The following LRRC69 variants were observed in gnomAD, a reference collection of about 807,000 sequenced individuals.
LRRC69 encodes the protein leucine rich repeat containing 69, also known as leucine-rich repeat-containing protein 69.
In LRRC69, 42 loss-of-function variants were observed where a neutral mutation model predicts 37.8. The ratio of observed to expected loss-of-function variants is 1.11; its 90% CI spans 0.87 to 1.44. The LOEUF (loss-of-function observed/expected upper bound fraction) is 1.44. Among genes scored for constraint, LRRC69 ranks in the 40% most tolerant of loss-of-function variants. The pLI is 0.00. For synonymous variants in LRRC69, 141 were observed against 143.1 expected (o/e 0.99, Z 0.11); for missense variants, 357 against 401.9 (o/e 0.89, Z 0.96).
intron 5 of LRRC69, among the ~76,000 whole-genome samples, chr8:91,175,078 T>G (rs1217595259): frequency 6.6e-6 from 1 of 152,262 alleles, no homozygotes; most frequent in South Asian, 2.1e-4. Flanking sequence ...GCAGGAGAAT[T>G]CTATGACATG....
At chr8:91,218,401 C>A (rs1228416392) in intron 7 of LRRC69, among the ~76,000 whole-genome samples, 1 of 149,808 alleles carries the variant, frequency 6.7e-6, no homozygotes, top group Non-Finnish European at 1.5e-5. Context: ...AGGCAACTTG[C>A]CTGAGACCCA....
chr8:91,171,695 T>A (rs1278449635), intron 5 of LRRC69, among the ~76,000 whole-genome samples: 1 of 152,086 alleles, frequency 6.6e-6, no homozygotes, highest in African/African-American at 2.4e-5. Context: ...CATTCCCAAA[T>A]GTGTCTTTGG....
intron 5 of LRRC69, among the ~76,000 whole-genome samples, chr8:91,162,433 C>T (rs952204940): frequency 9.2e-5 from 14 of 151,502 alleles, no homozygotes; most frequent in Non-Finnish European, 2.1e-4. Context: ...CTGGCTGTTC[C>T]AGTGTTGGGT....
intron 5 of LRRC69, among the ~76,000 whole-genome samples, chr8:91,165,195 C>T (rs1257615400): frequency 1.3e-5 from 2 of 151,716 alleles, no homozygotes; most frequent in African/African-American, 2.4e-5. Flanking sequence ...ATCTTAGAGT[C>T]TTTGCTGGCA....
intron 7 of LRRC69, 107 bp downstream of exon 7, chr8:91,200,899 A>T (rs1407627399): frequency 9.5e-7 from 1 of 1,057,326 alleles, no homozygotes; most frequent in East Asian, 3.2e-5. Flanking sequence ...ATTGGCTTAT[A>T]GGATAGTATA....
chr8:91,149,874 T>C (rs1235167523), intron 5 of LRRC69, among the ~76,000 whole-genome samples: 1 of 152,042 alleles, frequency 6.6e-6, no homozygotes, highest in Non-Finnish European at 1.5e-5. Context: ...ACTCATGATT[T>C]GGCTCTCTGT....
chr8:91,157,324 T>C (rs994007046), intron 5 of LRRC69: 14 of 1,608,534 alleles, frequency 8.7e-6, no homozygotes, highest in Non-Finnish European at 1.2e-5. Context: ...CACAGAAACA[T>C]TCACCTATGA....
chr8:91,215,385 G>A (rs886771371), intron 7 of LRRC69, among the ~76,000 whole-genome samples: 1 of 151,950 alleles, frequency 6.6e-6, no homozygotes, highest in Non-Finnish European at 1.5e-5. Context: ...ATTTCTCAAA[G>A]TTTAAAATAT....
At chr8:91,124,413 G>A (rs955632153) in intron 1 of LRRC69, 80 bp from the exon 2 acceptor site, 6 of 1,159,070 alleles carry the variant, frequency 5.2e-6, no homozygotes, top group Non-Finnish European at 7.0e-6. Context: ...ATAGATGTGA[G>A]CAAGGGAGCT....
At chr8:91,158,428 C>A in intron 5 of LRRC69, 2 of 1,369,578 alleles carry the variant, frequency 1.5e-6, no homozygotes. Context: ...ATGAGGAATT[C>A]ATAGAAAGCA....
chr8:91,159,594 G>T (rs183327245), intron 5 of LRRC69, among the ~76,000 whole-genome samples: 2 of 151,152 alleles, frequency 1.3e-5, no homozygotes, highest in East Asian at 3.9e-4. Flanking sequence ...TGGGAACAAG[G>T]CTTTGGCTGA....
chr8:91,215,626 G>C (rs963335911), intron 7 of LRRC69, among the ~76,000 whole-genome samples: 1 of 152,078 alleles, frequency 6.6e-6, no homozygotes, highest in Non-Finnish European at 1.5e-5. Flanking sequence ...AAAGCTTTTT[G>C]CTAAAATGAT....
At chr8:91,124,558 A>G in exon 2 of LRRC69, 3 of 1,539,964 alleles carry the variant, frequency 1.9e-6, no homozygotes, top group Non-Finnish European at 2.6e-6. Flanking sequence ...AATATCTTAC[A>G]TCTCTGAAGA....
intron 1 of LRRC69, among the ~76,000 whole-genome samples, chr8:91,112,589 A>G (rs1274469871): frequency 1.3e-5 from 2 of 152,058 alleles, no homozygotes; most frequent in Admixed American, 1.3e-4. Flanking sequence ...ATTTACCTTA[A>G]CACAATATAG....
chr8:91,122,288 T>G (rs1341127946), intron 1 of LRRC69, among the ~76,000 whole-genome samples: 2 of 152,022 alleles, frequency 1.3e-5, no homozygotes, highest in African/African-American at 2.4e-5. Flanking sequence ...TGGCTTTGTT[T>G]TGGACCAATT....
intron 3 of LRRC69, among the ~76,000 whole-genome samples, chr8:91,129,847 A>G (rs1813779076): frequency 1.3e-5 from 2 of 151,992 alleles, no homozygotes; most frequent in Admixed American, 6.6e-5. Context: ...CTTCCTGTGT[A>G]ACACATTGTA....
At chr8:91,149,709 A>C (rs1346425178) in intron 5 of LRRC69, among the ~76,000 whole-genome samples, 1 of 151,828 alleles carries the variant, frequency 6.6e-6, no homozygotes, top group African/African-American at 2.4e-5. Flanking sequence ...GATTCTTCCT[A>C]CCCATGAGCA....
chr8:91,104,232 C>A (rs185755179), intron 1 of LRRC69, among the ~76,000 whole-genome samples: 9 of 152,066 alleles, frequency 5.9e-5, no homozygotes, highest in Admixed American at 1.3e-4. Context: ...CTCCCCACTT[C>A]GTAAGATGAC....
Position 91,198,085 on chromosome 8 carries a change from A to T in LRRC69, c.754-2528A>T, listed in dbSNP as rs147998697. On this transcript the variant is annotated intron_variant, in intron 6 of 7. Transcript: ENST00000448384. ...GCTGTGTCAAAGAATTCTAGGAACT[A>T]TGATATGGGTTATGCCTTGGTAAAG... Among the ~76,000 whole-genome samples, 793 of 152,318 alleles carry T rather than the reference A, an allele frequency of 5.2e-3. 4 individuals carry two copies. Among genetic ancestry groups the T allele is most frequent in the African/African-American group, 0.018 (735 of 41,562 alleles).
Sources: gnomAD v4.1 joint callset for allele counts (sites outside exome capture counted in the v4.1 genomes callset) on GRCh38, gnomAD v4.1.1 for gene constraint, MANE v1.5 for transcripts, NCBI Gene and HGNC (gene_info 2026-07-23, HGNC 2026-07-21) for gene names.